Variants in LRRTM4 observed in about 807,000 individuals in gnomAD.
LRRTM4 encodes leucine rich repeat transmembrane neuronal 4.
LRRTM4 carries 25 observed loss-of-function variants against 47.6 expected under a neutral mutation model. The ratio of observed to expected loss-of-function variants is 0.53; its 90% CI spans 0.38 to 0.73. The LOEUF (loss-of-function observed/expected upper bound fraction) is 0.73. Among genes scored for constraint, LRRTM4 ranks in the 30% least tolerant of loss-of-function variants. The pLI is 0.00. For synonymous variants in LRRTM4, 311 were observed against 269.5 expected, an observed-to-expected ratio of 1.15 and a Z score of -1.51; for missense variants, 638 against 713.4, an observed-to-expected ratio of 0.89 and a Z score of 1.20.
At chr2:77,495,256 T>G (rs1348443606) in intron 3 of LRRTM4, among the ~76,000 whole-genome samples, 1 of 152,118 alleles carries the variant, frequency 6.6e-6, no homozygotes, top group Non-Finnish European at 1.5e-5. Flanking sequence ...TTTACATCCC[T>G]ACTAGCAATA....
At chr2:77,047,279 C>T (rs1679265713) in intron 3 of LRRTM4, among the ~76,000 whole-genome samples, 2 of 151,818 alleles carry the variant, frequency 1.3e-5, no homozygotes, top group South Asian at 2.1e-4. Context: ...CTTTTTTTCA[C>T]AGGTGTTCCT....
At chr2:76,776,013 T>G (rs78277615) in intron 3 of LRRTM4, among the ~76,000 whole-genome samples, 1 of 151,722 alleles carries the variant, frequency 6.6e-6, no homozygotes, top group Non-Finnish European at 1.5e-5. Context: ...CGGTGTTTGG[T>G]TTTTTGTTCT....
At chr2:77,504,439 T>C (rs1678691286) in intron 3 of LRRTM4, among the ~76,000 whole-genome samples, 1 of 151,684 alleles carries the variant, frequency 6.6e-6, no homozygotes, top group Admixed American at 6.6e-5. Context: ...GAGGTAAAAT[T>C]ACTTAATGTC....
At chr2:76,926,880 A>G (rs1674604958) in intron 3 of LRRTM4, among the ~76,000 whole-genome samples, 1 of 152,118 alleles carries the variant, frequency 6.6e-6, no homozygotes, top group Non-Finnish European at 1.5e-5. Context: ...TCCTTACACT[A>G]AAGTTCCCTA....
chr2:77,205,290 C>T (rs1277300846), intron 3 of LRRTM4, among the ~76,000 whole-genome samples: 1 of 151,928 alleles, frequency 6.6e-6, no homozygotes, highest in Non-Finnish European at 1.5e-5. Flanking sequence ...AATCAGAAAC[C>T]AAGAAAATAG....
chr2:77,205,599 A>C (rs1449723091), intron 3 of LRRTM4, among the ~76,000 whole-genome samples: 1 of 152,076 alleles, frequency 6.6e-6, no homozygotes, highest in East Asian at 1.9e-4. Flanking sequence ...GAAGAGGGAG[A>C]ATGGAGTGAA....
chr2:77,193,209 A>T (rs1673722277), intron 3 of LRRTM4, among the ~76,000 whole-genome samples: 1 of 152,196 alleles, frequency 6.6e-6, no homozygotes, highest in Non-Finnish European at 1.5e-5. Context: ...GCAATAGGCT[A>T]GACCATATAG....
intron 3 of LRRTM4, among the ~76,000 whole-genome samples, chr2:77,106,609 T>C (rs1465676266): frequency 1.3e-5 from 2 of 152,046 alleles, no homozygotes; most frequent in African/African-American, 4.8e-5. Flanking sequence ...TGTAGTGAGA[T>C]AGACACCCAA....
chr2:76,805,809 AAAACAAAC>A (rs145013975), intron 3 of LRRTM4, among the ~76,000 whole-genome samples: 4,610 of 152,010 alleles, frequency 0.03, 218 homozygotes, highest in African/African-American at 0.091. Context: ...AGACCTCCAT[AAAACAAAC>A]AAACAAACAA....
intron 3 of LRRTM4, among the ~76,000 whole-genome samples, chr2:77,000,137 G>C (rs1028099038): frequency 2.1e-5 from 3 of 145,232 alleles, no homozygotes; most frequent in Non-Finnish European, 3.0e-5. Flanking sequence ...CTGATACGGA[G>C]AAAGAGTGGG....
intron 3 of LRRTM4, among the ~76,000 whole-genome samples, chr2:77,489,431 C>T (rs2861055): frequency 0.24 from 36,088 of 151,946 alleles, 4,431 homozygotes; most frequent in Middle Eastern, 0.3. Flanking sequence ...CTCTGAATTA[C>T]GGTTACAAAA....
intron 3 of LRRTM4, among the ~76,000 whole-genome samples, chr2:77,492,084 AT>A (rs1678188344): frequency 6.6e-6 from 1 of 152,160 alleles, no homozygotes; most frequent in African/African-American, 2.4e-5. Flanking sequence ...ATGTAAATAT[AT>A]TTTATGAGCT....
At chr2:77,129,452 CT>C (rs1671738420) in intron 3 of LRRTM4, among the ~76,000 whole-genome samples, 1 of 152,124 alleles carries the variant, frequency 6.6e-6, no homozygotes, top group South Asian at 2.1e-4. Context: ...GCTGTATGAT[CT>C]TTACACAAAT....
At chr2:77,067,517 A>C (rs891287857) in intron 3 of LRRTM4, among the ~76,000 whole-genome samples, 4 of 152,050 alleles carry the variant, frequency 2.6e-5, no homozygotes, top group Non-Finnish European at 4.4e-5. Context: ...ACAACTAACA[A>C]ATTTTAAAGA....
chr2:76,942,150 T>G (rs553979359), intron 3 of LRRTM4, among the ~76,000 whole-genome samples: 6 of 152,258 alleles, frequency 3.9e-5, no homozygotes, highest in Admixed American at 1.3e-4. Context: ...GCCCACTTTT[T>G]GGTGGTGTTT....
intron 3 of LRRTM4, among the ~76,000 whole-genome samples, chr2:76,840,260 G>GA (rs1180762969): frequency 2.6e-4 from 40 of 152,286 alleles, no homozygotes; most frequent in Admixed American, 1.8e-3. Context: ...AAAATACAAT[G>GA]AAAATGCAAA....
intron 3 of LRRTM4, among the ~76,000 whole-genome samples, chr2:77,090,328 C>G (rs2103883095): frequency 6.6e-6 from 1 of 152,248 alleles, no homozygotes; most frequent in South Asian, 2.1e-4. Flanking sequence ...CAGTTCATGA[C>G]TCGTTTGACA....
At chr2:77,417,554 A>T (rs2103873530) in intron 3 of LRRTM4, among the ~76,000 whole-genome samples, 1 of 152,296 alleles carries the variant, frequency 6.6e-6, no homozygotes, top group South Asian at 2.1e-4. Context: ...ATGGAACACT[A>T]TGCAGCCATA....
chr2:77,486,914 A>T (rs1281235682), intron 3 of LRRTM4, among the ~76,000 whole-genome samples: 2 of 152,268 alleles, frequency 1.3e-5, no homozygotes, highest in Non-Finnish European at 2.9e-5. Flanking sequence ...GATGACCATC[A>T]GAGATATTAC....
Sources: allele counts gnomAD v4.1 joint callset (sites outside exome capture counted in the v4.1 genomes callset), GRCh38; gene constraint gnomAD v4.1.1; transcripts MANE v1.5; gene names NCBI Gene and HGNC (gene_info 2026-07-23, HGNC 2026-07-21).